The following PALLD variants were observed in gnomAD, a reference collection of about 807,000 sequenced individuals.
The protein encoded by PALLD is palladin.
In PALLD, 61 loss-of-function variants were observed where a neutral mutation model predicts 123.5. The ratio of observed to expected loss-of-function variants is 0.49; its 90% confidence interval spans 0.40 to 0.61. PALLD has a LOEUF of 0.61. PALLD is among the 20% of genes least tolerant of loss of function. The pLI is 0.00. For missense variants in PALLD, 1,273 were observed against 1,377.0 expected (o/e 0.92, Z 1.20); for synonymous variants, 465 against 496.4 (o/e 0.94, Z 0.84).
chr4:168,615,236 C>G (rs1303722943), intron 2 of PALLD, among the ~76,000 whole-genome samples: 1 of 151,858 alleles, frequency 6.6e-6, no homozygotes, highest in African/African-American at 2.4e-5. Context: ...AAATCACATT[C>G]ATGCTTCAGT....
chr4:168,657,001 T>C (rs1214269365), intron 2 of PALLD, among the ~76,000 whole-genome samples: 1 of 152,228 alleles, frequency 6.6e-6, no homozygotes, highest in African/African-American at 2.4e-5. Context: ...GCTTGCCGTA[T>C]TACTGATGTC....
intron 2 of PALLD, among the ~76,000 whole-genome samples, chr4:168,585,260 TGAG>T (rs952266963): frequency 1.6e-4 from 25 of 151,840 alleles, no homozygotes; most frequent in Admixed American, 4.6e-4. Flanking sequence ...AACATCCTTA[TGAG>T]TAGTGTGTGT....
rs1299198641 is a variant in PALLD, at chr4:168,927,797, A to G, written c.*1617A>G. 1 of 217,146 alleles carries G rather than the reference A, an allele frequency of 4.6e-6. No homozygotes were observed. Among genetic ancestry groups the G allele is most frequent in the East Asian group, 6.8e-5 (1 of 14,684 alleles). The allele number at this position is 217,146 out of a possible 1,614,324, so 13.5% of individuals were successfully genotyped here. On this transcript the variant is annotated 3_prime_UTR_variant, in exon 22 of 22. Coordinates refer to ENST00000505667, the MANE Select transcript of PALLD (RefSeq NM_001166108.2). ...ACTTGATGGTTTTAAGTCGGAACCG[A>G]TAAATTTTAAAAAGGAGAAAAAATA...
intron 10 of PALLD, among the ~76,000 whole-genome samples, chr4:168,731,623 A>G (rs41360145): frequency 0.043 from 6,513 of 152,368 alleles, 200 homozygotes; most frequent in South Asian, 0.091. Context: ...GCACATATAG[A>G]AAGTTTCAGA....
chr4:168,906,418 T>C (rs944554552), intron 15 of PALLD, among the ~76,000 whole-genome samples: 10 of 152,122 alleles, frequency 6.6e-5, no homozygotes, highest in Admixed American at 2.0e-4. Context: ...CCAATGGCAG[T>C]GTGCAGAGTT....
intron 10 of PALLD, among the ~76,000 whole-genome samples, chr4:168,815,433 T>C (rs991196313): frequency 6.6e-6 from 1 of 152,244 alleles, no homozygotes; most frequent in Non-Finnish European, 1.5e-5. Context: ...ACCTTGCCTA[T>C]ATCCAAGAAG....
chr4:168,685,883 A>T (rs1781997709), intron 6 of PALLD, among the ~76,000 whole-genome samples: 2 of 151,320 alleles, frequency 1.3e-5, no homozygotes, highest in South Asian at 4.2e-4. Flanking sequence ...TTTTATAGAA[A>T]TTCAGAAAAA....
chr4:168,701,179 A>G (rs905268214), intron 8 of PALLD, among the ~76,000 whole-genome samples: 1 of 152,270 alleles, frequency 6.6e-6, no homozygotes, highest in African/African-American at 2.4e-5. Context: ...GTGGGGAAAC[A>G]TAAGACTGAG....
chr4:168,548,475 A>G (rs1179743376), intron 2 of PALLD, among the ~76,000 whole-genome samples: 1 of 152,198 alleles, frequency 6.6e-6, no homozygotes, highest in African/African-American at 2.4e-5. Context: ...TTTGAAGACA[A>G]AGTTCTTCCC....
intron 10 of PALLD, among the ~76,000 whole-genome samples, chr4:168,731,832 CA>C (rs1464183085): frequency 6.6e-6 from 1 of 152,042 alleles, no homozygotes; most frequent in Non-Finnish European, 1.5e-5. Flanking sequence ...AGCTGAATAC[CA>C]AAAATGAGAG....
intron 17 of PALLD, among the ~76,000 whole-genome samples, chr4:168,921,134 A>G (rs1394569708): frequency 6.6e-6 from 1 of 152,136 alleles, no homozygotes; most frequent in Non-Finnish European, 1.5e-5. Flanking sequence ...GGCCCGGTGC[A>G]ATGGCTCATG....
At chr4:168,719,539 T>C (rs1304632837) in intron 10 of PALLD, among the ~76,000 whole-genome samples, 5 of 152,140 alleles carry the variant, frequency 3.3e-5, no homozygotes, top group Non-Finnish European at 7.4e-5. Flanking sequence ...GGATTACAGG[T>C]GTGAGCCACC....
intron 10 of PALLD, among the ~76,000 whole-genome samples, chr4:168,806,809 G>A (rs1291357987): frequency 1.3e-5 from 2 of 151,976 alleles, no homozygotes; most frequent in African/African-American, 2.4e-5. Flanking sequence ...CAAAATATTT[G>A]TTCTTATTTT....
intron 10 of PALLD, among the ~76,000 whole-genome samples, chr4:168,750,222 C>T (rs1283923130): frequency 1.3e-5 from 2 of 152,180 alleles, no homozygotes; most frequent in Non-Finnish European, 2.9e-5. Context: ...GCTGGGATTA[C>T]AGGCGTGAAC....
At chr4:168,587,577 G>C (rs938070961) in intron 2 of PALLD, among the ~76,000 whole-genome samples, 4 of 152,158 alleles carry the variant, frequency 2.6e-5, no homozygotes, top group African/African-American at 9.7e-5. Context: ...AGCTGTGCCA[G>C]CATCTCCCAA....
intron 2 of PALLD, among the ~76,000 whole-genome samples, chr4:168,641,245 C>G (rs1436893327): frequency 6.6e-6 from 1 of 150,696 alleles, no homozygotes; most frequent in Non-Finnish European, 1.5e-5. Flanking sequence ...AGGGCCCTGG[C>G]TCTAAGACAT....
intron 10 of PALLD, among the ~76,000 whole-genome samples, chr4:168,813,992 G>T (rs1345861570): frequency 6.6e-6 from 1 of 152,156 alleles, no homozygotes; most frequent in African/African-American, 2.4e-5. Flanking sequence ...GAATTTCAGT[G>T]ATGGGAAATA....
At chr4:168,717,945 C>T (rs1785523003) in intron 10 of PALLD, among the ~76,000 whole-genome samples, 1 of 152,132 alleles carries the variant, frequency 6.6e-6, no homozygotes, top group African/African-American at 2.4e-5. Flanking sequence ...ACTAGGAGGA[C>T]ATTTTCACTC....
intron 10 of PALLD, among the ~76,000 whole-genome samples, chr4:168,886,160 A>G (rs1753307202): frequency 2.0e-5 from 3 of 152,096 alleles, no homozygotes; most frequent in Non-Finnish European, 4.4e-5. Context: ...TTTTTAATAT[A>G]TTTTCATTTT....
Sources: allele counts gnomAD v4.1 joint callset (sites outside exome capture counted in the v4.1 genomes callset), GRCh38; gene constraint gnomAD v4.1.1; transcripts MANE v1.5; gene names NCBI Gene and HGNC (gene_info 2026-07-23, HGNC 2026-07-21).